SLC9A4: variants seen among roughly 807,000 people sequenced by gnomAD.
The protein encoded by SLC9A4 is sodium/hydrogen exchanger 4.
SLC9A4 carries 63 observed loss-of-function variants against 67.4 expected under a neutral mutation model. That is an observed-to-expected ratio of 0.93 (90% CI 0.76 to 1.15). The LOEUF (loss-of-function observed/expected upper bound fraction) is 1.15, where lower values mean the gene tolerates loss of function less well. SLC9A4 is among the 50% of genes most tolerant of loss of function. The probability of loss-of-function intolerance (pLI) is 0.00; values close to 1 mark genes in which losing one functional copy is unlikely to be tolerated. For synonymous variants in SLC9A4, 393 were observed against 367.2 expected, an observed-to-expected ratio of 1.07 and a Z score of -0.80; for missense variants, 1,089 against 987.7, an observed-to-expected ratio of 1.10 and a Z score of -1.38.
In SLC9A4 at chr2:102,473,682, C is replaced by A; in HGVS notation, c.-78C>A. 1 of 1,551,386 alleles carries A rather than the reference C, an allele frequency of 6.4e-7. No homozygotes were observed. The highest frequency in any genetic ancestry group is 1.2e-5 in the South Asian group (1 of 82,066). On this transcript the variant is annotated 5_prime_UTR_variant, in exon 1 of 12. It introduces an in-frame stop codon into an upstream open reading frame of the 5' UTR. Transcript: ENST00000295269. ...TACTTTTGACCCAGGTGGATGCAGT[C>A]ACTCTCTAGAAGCCTCCCCGACTTC...
intron 11 of SLC9A4, 35 bp from the exon 12 acceptor site, chr2:102,532,295 T>C (rs1393054611): frequency 1.3e-6 from 2 of 1,585,332 alleles, no homozygotes; most frequent in South Asian, 2.3e-5. Flanking sequence ...TCTTAAGTCT[T>C]GTTCTTTCCC....
chr2:102,479,305 G>A lies in SLC9A4; in HGVS notation c.720+3G>A, dbSNP rs370625699. 2.3e-4 allele frequency: 367 copies of A among 1,600,584 alleles called. No individual in the cohort carries two copies. In the African/African-American group the frequency reaches 4.2e-3, roughly 18 times the overall value. On this transcript the variant is annotated splice_donor_region_variant and intron_variant, in intron 2 of 11. Coordinates refer to ENST00000295269, the MANE Select transcript of SLC9A4 (RefSeq NM_001011552.4). ...TGCTCAATGATGGCATTACTGTGGT[G>A]AGATGTCATGTGCCCGCCCGGCTTC...
intron 2 of SLC9A4, 72 bp downstream of exon 2, chr2:102,479,374 G>T: frequency 6.8e-7 from 1 of 1,462,968 alleles, no homozygotes; most frequent in Non-Finnish European, 9.2e-7. Context: ...ACCGGAGGCT[G>T]TGGAGACGGC....
rs1372068489 is a variant in SLC9A4, at chr2:102,479,096, G to A, written c.514G>A (p.Gly172Ser). Residue 172 changes from glycine (G) to serine (S), a missense_variant, in exon 2 of 12, where the codon GGC (glycine) becomes AGC (serine). Physicochemically the swap from Gly to Ser is moderately conservative, Grantham distance 56. Coordinates refer to ENST00000295269, the MANE Select transcript of SLC9A4 (RefSeq NM_001011552.4). The stretch of plus-strand genomic sequence containing the variant: ...ATTGGGGGCCCTGATCAACGCCTTG[G>A]GCATTGGCCTCTCCCTCTACCTCAT... The part of the protein sequence containing the change: ...AVLGALINAL[G>S]IGLSLYLICQ... 1 of 1,614,054 alleles carries A rather than the reference G, an allele frequency of 6.2e-7. No individual in the cohort carries two copies. Among genetic ancestry groups the A allele is most frequent in the Non-Finnish European group, 8.5e-7 (1 of 1,180,028 alleles).
At chr2:102,487,712 A>G (rs1684616741) in intron 2 of SLC9A4, among the ~76,000 whole-genome samples, 1 of 152,266 alleles carries the variant, frequency 6.6e-6, no homozygotes, top group South Asian at 2.1e-4. Flanking sequence ...TTCAGGTCAC[A>G]TGCACAAGAA....
At chr2:102,490,411 C>G (rs1684671829) in intron 2 of SLC9A4, among the ~76,000 whole-genome samples, 2 of 152,350 alleles carry the variant, frequency 1.3e-5, no homozygotes, top group Admixed American at 6.5e-5. Flanking sequence ...GCCTTGCAGG[C>G]AGCTACCTTC....
chr2:102,475,624 T>C (rs1272261072), intron 1 of SLC9A4, among the ~76,000 whole-genome samples: 1 of 152,222 alleles, frequency 6.6e-6, no homozygotes, highest in African/African-American at 2.4e-5. Context: ...TTTCATGATG[T>C]AATTTAACAT....
chr2:102,493,320 T>C (rs1558662936), intron 2 of SLC9A4, among the ~76,000 whole-genome samples: 1 of 151,838 alleles, frequency 6.6e-6, no homozygotes, highest in East Asian at 1.9e-4. Context: ...TCCATTTTCA[T>C]GCTACTATGA....
rs547249739 is a variant in SLC9A4, at chr2:102,503,514, A to G, written c.787A>G (p.Ile263Val). ...ATTTGAAGACATAGAAACTGTCGAC[A>G]TTTTGGCTGGATGTGCCCGATTCAT... The part of the protein sequence containing the change: ...HKFEDIETVD[I>V]LAGCARFIVV... Residue 263 changes from isoleucine (I) to valine (V), a missense_variant, in exon 3 of 12, where the codon ATT (isoleucine) becomes GTT (valine). By Grantham distance (29) the Ile-to-Val change is conservative. Transcript: ENST00000295269. 209 of 1,614,182 alleles carry G rather than the reference A, an allele frequency of 1.3e-4. 2 individuals carry two copies. In the South Asian group the frequency reaches 1.6e-3, roughly 13 times the overall value.
At chr2:102,487,597 T>TC (rs1684614422) in intron 2 of SLC9A4, among the ~76,000 whole-genome samples, 1 of 152,224 alleles carries the variant, frequency 6.6e-6, no homozygotes, top group South Asian at 2.1e-4. Flanking sequence ...CCTGTTTGGT[T>TC]CATTTTCTTC....
At chr2:102,509,353 C>G (rs1447769858) in intron 6 of SLC9A4, among the ~76,000 whole-genome samples, 1 of 152,230 alleles carries the variant, frequency 6.6e-6, no homozygotes, top group Non-Finnish European at 1.5e-5. Context: ...GATCCCACTG[C>G]AGCCACGTGG....
intron 2 of SLC9A4, among the ~76,000 whole-genome samples, chr2:102,494,338 C>CA (rs1250510365): frequency 1.3e-5 from 2 of 149,126 alleles, no homozygotes; most frequent in Non-Finnish European, 2.9e-5. Flanking sequence ...AAACATGATG[C>CA]AAAAAATCTG....
chr2:102,526,416 C>A, intron 11 of SLC9A4, 70 bp downstream of exon 11: 1 of 1,422,680 alleles, frequency 7.0e-7, no homozygotes, highest in Non-Finnish European at 9.9e-7. Flanking sequence ...GGGGTGTGGG[C>A]CAAGAGGCAA....
chr2:102,473,654 T>G lies in SLC9A4; in HGVS notation c.-106T>G. The G allele has an allele frequency of 7.1e-7, 1 of 1,401,840 alleles. No homozygotes were observed. The highest frequency in any genetic ancestry group is 9.7e-7 in the Non-Finnish European group (1 of 1,031,002). 86.8% of individuals were successfully genotyped at this position (1,401,840 alleles called of 1,614,324 possible). On this transcript the variant is annotated 5_prime_UTR_variant, in exon 1 of 12. Transcript: ENST00000295269. ...TGGGAGGACCCACAGACTGTACCTA[T>G]ATTACTTTTGACCCAGGTGGATGCA...
At chr2:102,488,769 G>A (rs999660217) in intron 2 of SLC9A4, among the ~76,000 whole-genome samples, 4 of 152,020 alleles carry the variant, frequency 2.6e-5, no homozygotes, top group Non-Finnish European at 4.4e-5. Context: ...GGATGGTCTC[G>A]ATCTCCTGAC....
intron 2 of SLC9A4, among the ~76,000 whole-genome samples, chr2:102,483,015 T>C (rs983395203): frequency 3.3e-5 from 5 of 152,214 alleles, no homozygotes; most frequent in Admixed American, 2.0e-4. Context: ...TGGTTGGGGT[T>C]TGTTTGTTAG....
At chr2:102,524,982 T>C (rs943066965) in intron 9 of SLC9A4, 42 bp from the exon 10 acceptor site, 2 of 1,610,874 alleles carry the variant, frequency 1.2e-6, no homozygotes, top group African/African-American at 1.3e-5. Context: ...GAAAGTTGTA[T>C]GGAGGAGTCC....
chr2:102,532,048 T>A (rs76038923), intron 11 of SLC9A4, among the ~76,000 whole-genome samples: 3,309 of 152,330 alleles, frequency 0.022, 125 homozygotes, highest in African/African-American at 0.071. Flanking sequence ...GATCTGATTC[T>A]GTAAAAAGAC....
Position 102,479,180 on chromosome 2 carries a change from G to A in SLC9A4, c.598G>A (p.Gly200Ser), listed in dbSNP as rs770759366. 4.3e-6 allele frequency: 7 copies of A among 1,614,122 alleles called. No homozygotes were observed. Among genetic ancestry groups the A allele is most frequent in the Non-Finnish European group, 5.9e-6 (7 of 1,179,996 alleles). Residue 200 changes from glycine to serine, a missense_variant, in exon 2 of 12, where the codon GGC becomes AGC. Physicochemically the swap from Gly to Ser is moderately conservative, Grantham distance 56. Transcript: ENST00000295269. ...CAACCTGCTGCAGAACCTGCTGTTC[G>A]GCAGCCTGATCTCCGCCGTGGACCC... Reference protein sequence around the residue: ...DVNLLQNLLFGSLISAVDPVA... With the variant: ...DVNLLQNLLFSSLISAVDPVA...
Sources: gnomAD v4.1 joint callset for allele counts (sites outside exome capture counted in the v4.1 genomes callset) on GRCh38, gnomAD v4.1.1 for gene constraint, MANE v1.5 for transcripts, NCBI Gene and HGNC (gene_info 2026-07-23, HGNC 2026-07-21) for gene names.